The following CYFIP2 variants were observed in gnomAD, a reference collection of about 807,000 sequenced individuals.
CYFIP2 encodes the protein cytoplasmic FMR1-interacting protein 2.
Under a neutral mutation model 158.7 loss-of-function variants are expected in CYFIP2, and 29 were observed. The observed-to-expected ratio is 0.18, with a 90% CI of 0.14 to 0.25. CYFIP2 has a LOEUF of 0.25. Ranked by LOEUF, CYFIP2 falls within the 10% of genes least tolerant of loss-of-function variation. CYFIP2 has a pLI of 1.00. For missense variants in CYFIP2, 852 were observed against 1,639.5 expected (o/e 0.52, Z 8.29); for synonymous variants, 585 against 617.6 (o/e 0.95, Z 0.78).
rs538799055 is a variant in CYFIP2, at chr5:157,267,907, C to T, written c.-24+1712C>T. Reference sequence around the variant, plus strand: ...TGTATTTGGCAAGGGCAGCTTTGGCCCTGCAGGCAGGAATGCTGTAAGAGT... The same window carrying T: ...TGTATTTGGCAAGGGCAGCTTTGGCTCTGCAGGCAGGAATGCTGTAAGAGT... On this transcript the variant is annotated intron_variant, in intron 1 of 30. Transcript: ENST00000620254. Among the ~76,000 whole-genome samples the T allele has an allele frequency of 3.3e-5, 5 of 152,314 alleles. No homozygotes were observed. The South Asian group carries it at 1.0e-3, about 32-fold the overall frequency.
rs775531019 is a variant in CYFIP2 at position 157,361,532 on chromosome 5, C to T, written c.2973C>T (p.Asp991=). 3.2e-5 allele frequency: 51 copies of T among 1,613,946 alleles called. No individual in the cohort carries two copies. In the African/African-American group the frequency reaches 4.0e-4, roughly 13 times the overall value. The change falls in exon 26 of 31, where the codon GAC becomes GAT. Residue 991 remains aspartate, a synonymous_variant. Coordinates refer to ENST00000620254, the MANE Select transcript of CYFIP2 (RefSeq NM_001037333.3). The surrounding 1 kb of genome is among the most constrained non-coding windows in gnomAD (Gnocchi z 4.4). ...DIIEYAELKT[D]VFQSLREVGN... ...TTGAGTACGCAGAGCTCAAAACAGA[C>T]GTGTTCCAGAGCCTGAGGGAAGTGG...
chr5:157,281,533 C>A lies in CYFIP2; in HGVS notation c.-23-3806C>A, dbSNP rs558932449. ...TCTAACAGTAACAAAGTAATAAAAA[C>A]CAAGCTTTTATTAGATGTCTTTGTG... is the stretch of plus-strand genomic sequence containing the variant. On this transcript the variant is annotated intron_variant, in intron 1 of 30. Coordinates refer to ENST00000620254, the MANE Select transcript of CYFIP2 (RefSeq NM_001037333.3). Among the ~76,000 whole-genome samples the A allele has an allele frequency of 2.0e-5, 3 of 152,176 alleles. No homozygotes were observed. The East Asian group carries it at 5.8e-4, about 29-fold the overall frequency.
chr5:157,292,276 A>G lies in CYFIP2; in HGVS notation c.208-2507A>G, dbSNP rs191328186. 9.9e-3 allele frequency among the ~76,000 whole-genome samples: 1,489 copies of G among 151,068 alleles called. 30 individuals carry two copies. Among genetic ancestry groups the G allele is most frequent in the African/African-American group, 0.034 (1,393 of 41,076 alleles). On this transcript the variant is annotated intron_variant, in intron 3 of 30. Coordinates refer to ENST00000620254, the MANE Select transcript of CYFIP2 (RefSeq NM_001037333.3). ...CTCTTATTGCCCAGGCTGGAGTGCAATGGCACAATCTTGGCTCACCGCAAC... is the reference window on the plus strand; with the variant it reads ...CTCTTATTGCCCAGGCTGGAGTGCAGTGGCACAATCTTGGCTCACCGCAAC...
At chr5:157,310,204 C>T (rs773181342) in intron 10 of CYFIP2, among the ~76,000 whole-genome samples, 13 of 152,162 alleles carry the variant, frequency 8.5e-5, no homozygotes, top group Non-Finnish European at 4.4e-5. Flanking sequence ...GTTAGGTGAC[C>T]GTGCGCTAAG....
Position 157,320,682 on chromosome 5 carries a change from C to T in CYFIP2, c.1551C>T (p.Ile517=), listed in dbSNP as rs1475214519. 1 of 1,613,898 alleles carries T rather than the reference C, an allele frequency of 6.2e-7. No homozygotes were observed. The change falls in exon 15 of 31, where the codon ATC becomes ATT. Residue 517 remains isoleucine, a synonymous_variant. Transcript: ENST00000620254. ...ISVLQAIRKT[I]CDWEGGREPP... is the part of the protein sequence containing the mutation. ...TCCTACAGGCAATTCGAAAGACCAT[C>T]TGTGACTGGGAGGGAGGGCGAGAGC...
At position 157,311,061 on chromosome 5, in the gene CYFIP2, AAG is replaced by A. The variant is rs1333648930; in HGVS notation, c.993-600_993-599del. The A allele has an allele frequency of 4.4e-6, 2 of 449,778 alleles. No individual in the cohort carries two copies. The highest frequency in any genetic ancestry group is 4.8e-5 in the Admixed American group (2 of 41,974). The allele number at this position is 449,778 out of a possible 1,614,324, so 27.9% of individuals were successfully genotyped here. On this transcript the variant is annotated intron_variant, in intron 10 of 30. Coordinates refer to ENST00000620254, the MANE Select transcript of CYFIP2 (RefSeq NM_001037333.3). This position sits in a 1 kb window ranked among gnomAD's most constrained non-coding sequence, Gnocchi z 4.7. ...GGAAAAAAGGCGGAGGGAAGGAGGA[AAG>A]AGGGTGGAAAGAGAAGGAGAGAAGG...
intron 30 of CYFIP2, among the ~76,000 whole-genome samples, 151 bp downstream of exon 30, chr5:157,390,819 G>A (rs576898163): frequency 6.6e-6 from 1 of 152,262 alleles, no homozygotes; most frequent in Admixed American, 6.5e-5. Context: ...CTGCTTAGAG[G>A]AAGTCGTGAG....
At chr5:157,271,781 G>A (rs1277880804) in intron 1 of CYFIP2, among the ~76,000 whole-genome samples, 3 of 152,158 alleles carry the variant, frequency 2.0e-5, no homozygotes, top group Admixed American at 6.5e-5. Context: ...GTTTCACATC[G>A]ATGGAGCTGA....
chr5:157,376,815 A>G, intron 26 of CYFIP2: 1 of 443,092 alleles, frequency 2.3e-6, no homozygotes, highest in South Asian at 1.6e-5. Context: ...CTGACTTCCA[A>G]GCTCAGATCT....
At position 157,394,924 on chromosome 5, in the gene CYFIP2, G is replaced by C. The variant is rs1035760003; in HGVS notation, c.*1924G>C. On this transcript the variant is annotated 3_prime_UTR_variant, in exon 31 of 31. Coordinates refer to ENST00000620254, the MANE Select transcript of CYFIP2 (RefSeq NM_001037333.3). The stretch of plus-strand genomic sequence containing the variant: ...CTTTCAAAACATATAAAATGTCAAA[G>C]TTCCAGATCCTTCTACATCTTTAGT... 4 of 152,446 alleles carry C rather than the reference G, an allele frequency of 2.6e-5. No homozygotes were observed. The highest frequency in any genetic ancestry group is 4.4e-5 in the Non-Finnish European group (3 of 68,244). The allele number at this position is 152,446 out of a possible 1,614,324, so 9.4% of individuals were successfully genotyped here. A position where few individuals can be genotyped will look rare whatever the true frequency, so the allele number is the denominator to read the frequency against.
At chr5:157,349,769 C>A (rs1485780042) in intron 23 of CYFIP2, among the ~76,000 whole-genome samples, 1 of 152,206 alleles carries the variant, frequency 6.6e-6, no homozygotes, top group Non-Finnish European at 1.5e-5. Flanking sequence ...CACATCCACG[C>A]CAACATCTAT....
At chr5:157,389,461 C>T (rs1215502025) in intron 29 of CYFIP2, 34 bp downstream of exon 29, 3 of 1,503,762 alleles carry the variant, frequency 2.0e-6, no homozygotes, top group Non-Finnish European at 2.7e-6. Flanking sequence ...GGGTTACCCC[C>T]AACCTGCCTG....
intron 21 of CYFIP2, among the ~76,000 whole-genome samples, 173 bp downstream of exon 21, chr5:157,333,619 G>A (rs577633356): frequency 2.6e-5 from 4 of 152,296 alleles, no homozygotes; most frequent in South Asian, 2.1e-4. Context: ...GTAATCTTAC[G>A]TTCCTGATTG....
intron 26 of CYFIP2, among the ~76,000 whole-genome samples, chr5:157,377,109 T>C (rs1765559694): frequency 6.6e-6 from 1 of 151,700 alleles, no homozygotes; most frequent in Non-Finnish European, 1.5e-5. Flanking sequence ...TGCTTTCTCC[T>C]GCTTGGACTC....
At chr5:157,323,437 G>A (rs1760768218) in intron 15 of CYFIP2, among the ~76,000 whole-genome samples, 1 of 152,206 alleles carries the variant, frequency 6.6e-6, no homozygotes, top group African/African-American at 2.4e-5. Context: ...GGTGTGAGAA[G>A]GCATCTGGTC....
intron 2 of CYFIP2, among the ~76,000 whole-genome samples, chr5:157,286,383 T>TA (rs1250589295): frequency 2.0e-5 from 3 of 146,480 alleles, no homozygotes; most frequent in East Asian, 2.0e-4. Flanking sequence ...TATACATATA[T>TA]TTTTTTTTTA....
intron 26 of CYFIP2, among the ~76,000 whole-genome samples, chr5:157,368,843 G>A (rs953898927): frequency 6.6e-6 from 1 of 151,948 alleles, no homozygotes; most frequent in East Asian, 1.9e-4. Flanking sequence ...AGCACAGAGG[G>A]TTACCCTCCA....
chr5:157,330,962 A>C, intron 20 of CYFIP2, 112 bp downstream of exon 20: 2 of 801,474 alleles, frequency 2.5e-6, no homozygotes, highest in South Asian at 3.3e-5. Context: ...GCATGTTGCC[A>C]GTGTGGATTT....
In CYFIP2 at chr5:157,356,589, A is replaced by G. The variant is rs111926221; in HGVS notation, c.2674-2416A>G. On this transcript the variant is annotated intron_variant, in intron 23 of 30. Coordinates refer to ENST00000620254, the MANE Select transcript of CYFIP2 (RefSeq NM_001037333.3). Reference sequence around the variant, plus strand: ...AGGAAGTCCTCTCATGCCCCTTTCCAGTTAGTCTCCTCCTCCCACCAGAGG... The same window carrying G: ...AGGAAGTCCTCTCATGCCCCTTTCCGGTTAGTCTCCTCCTCCCACCAGAGG... 2.9e-3 allele frequency among the ~76,000 whole-genome samples: 434 copies of G among 152,208 alleles called. 4 individuals carry two copies. Among genetic ancestry groups the G allele is most frequent in the African/African-American group, 0.01 (423 of 41,536 alleles).
Sources: gnomAD v4.1 joint callset for allele counts (sites outside exome capture counted in the v4.1 genomes callset) on GRCh38, gnomAD v4.1.1 for gene constraint, Gnocchi (gnomAD v3.1) non-coding constraint, MANE v1.5 for transcripts, NCBI Gene and HGNC (gene_info 2026-07-23, HGNC 2026-07-21) for gene names.